GFOD1: variants seen among roughly 807,000 people sequenced by gnomAD.
GFOD1 encodes Gfo/Idh/MocA-like oxidoreductase domain containing 1.
A neutral mutation model predicts 25.4 loss-of-function variants in GFOD1; 9 were observed. The observed-to-expected ratio is 0.35, with a 90% confidence interval of 0.21 to 0.62. GFOD1 has a LOEUF of 0.62. Among genes scored for constraint, GFOD1 ranks in the 20% least tolerant of loss-of-function variants. The pLI is 0.72. For missense variants in GFOD1, 403 were observed against 556.9 expected (o/e 0.72, Z 2.78); for synonymous variants, 253 against 245.6 (o/e 1.03, Z -0.28).
intron 1 of GFOD1, among the ~76,000 whole-genome samples, chr6:13,381,970 C>G (rs1785374833): frequency 6.6e-6 from 1 of 151,294 alleles, no homozygotes; most frequent in Non-Finnish European, 1.5e-5. Context: ...CTGACTGAAG[C>G]AGTAACTACC....
At chr6:13,394,497 C>T (rs1393454425) in intron 1 of GFOD1, among the ~76,000 whole-genome samples, 1 of 37,904 alleles carries the variant, frequency 2.6e-5, no homozygotes, top group Non-Finnish European at 6.0e-5. Flanking sequence ...TTTTTTGAGA[C>T]GAGGTCTTGC....
At chr6:13,446,906 C>T (rs1562221827) in intron 1 of GFOD1, among the ~76,000 whole-genome samples, 1 of 152,228 alleles carries the variant, frequency 6.6e-6, no homozygotes, top group Non-Finnish European at 1.5e-5. Context: ...GTGTCCAAAA[C>T]AGAGATGGTT....
chr6:13,478,049 G>A (rs1758665385), intron 1 of GFOD1, among the ~76,000 whole-genome samples: 1 of 144,236 alleles, frequency 6.9e-6, no homozygotes, highest in Non-Finnish European at 1.5e-5. Context: ...GGACAACAGA[G>A]TGAGAATCTA....
intron 1 of GFOD1, among the ~76,000 whole-genome samples, chr6:13,400,546 T>A (rs1785822145): frequency 6.6e-6 from 1 of 152,256 alleles, no homozygotes; most frequent in African/African-American, 2.4e-5. Context: ...TTCGAGTTTA[T>A]CCTTTTTGAA....
rs139800085 is a variant in GFOD1, at chr6:13,454,868, A to T, written c.253+31770T>A. On this transcript the variant is annotated intron_variant, in intron 1 of 1. Transcript: ENST00000379287. ...CCCCACAAATGGACACCAGAGCAAG[A>T]GTTTCGTAGAGGGAGGGGAGGAATC... is the stretch of plus-strand genomic sequence containing the variant. Among the ~76,000 whole-genome samples the T allele has an allele frequency of 3.4e-3, 513 of 152,210 alleles. 9 individuals are homozygous for T. Among genetic ancestry groups the T allele is most frequent in the African/African-American group, 0.012 (478 of 41,508 alleles).
chr6:13,436,837 C>T (rs961352225), intron 1 of GFOD1, among the ~76,000 whole-genome samples: 1 of 152,212 alleles, frequency 6.6e-6, no homozygotes. Context: ...CTATAAAAGG[C>T]TTGGCTAGCC....
Position 13,365,432 on chromosome 6 carries a change from A to G in GFOD1, c.484T>C (p.Trp162Arg). 2 of 1,613,912 alleles carry G rather than the reference A, an allele frequency of 1.2e-6. No individual in the cohort carries two copies. The highest frequency in any genetic ancestry group is 1.7e-6 in the Non-Finnish European group (2 of 1,180,006). The change falls in exon 2 of 2, where the codon TGG becomes CGG. Residue 162 changes from tryptophan (W) to arginine (R), a missense_variant. Trp to Arg is a moderately radical substitution (Grantham distance 101). Coordinates refer to ENST00000379287, the MANE Select transcript of GFOD1 (RefSeq NM_018988.4). The surrounding 1 kb of genome is among the most constrained non-coding windows in gnomAD (Gnocchi z 9.2). ...GGSLLGKKYN[W>R]SCDDLMGGGG... ...CCGCCCATCAAGTCGTCGCAGCTCC[A>G]GTTGTACTTCTTGCCCAGCAGGCTG... is the stretch of plus-strand genomic sequence containing the variant.
chr6:13,451,290 G>A lies in GFOD1; in HGVS notation c.253+35348C>T, dbSNP rs534436700. On this transcript the variant is annotated intron_variant, in intron 1 of 1. Transcript: ENST00000379287. ...ACATGGGAAGGGCTTTGACATTGAC[G>A]AGGCCTTCATCCACGGCCCTCATCC... Among the ~76,000 whole-genome samples the A allele has an allele frequency of 3.9e-5, 6 of 152,218 alleles. No individual in the cohort carries two copies. The South Asian group carries it at 8.3e-4, about 21-fold the overall frequency.
intron 1 of GFOD1, among the ~76,000 whole-genome samples, chr6:13,412,681 C>A (rs1029153817): frequency 1.3e-5 from 2 of 152,234 alleles, no homozygotes; most frequent in Non-Finnish European, 2.9e-5. Flanking sequence ...CCAGCGTGGG[C>A]TGCAGAAATC....
At chr6:13,400,466 C>T (rs1331768035) in intron 1 of GFOD1, among the ~76,000 whole-genome samples, 2 of 152,188 alleles carry the variant, frequency 1.3e-5, no homozygotes, top group African/African-American at 2.4e-5. Context: ...TCCCATTCCT[C>T]CTGTTATGAG....
chr6:13,464,825 C>T (rs368427354), intron 1 of GFOD1, among the ~76,000 whole-genome samples: 1 of 151,920 alleles, frequency 6.6e-6, no homozygotes, highest in East Asian at 1.9e-4. Flanking sequence ...CCAGGTCTAC[C>T]CTGCAGGGCT....
At chr6:13,444,398 A>AC (rs1757968762) in intron 1 of GFOD1, among the ~76,000 whole-genome samples, 1 of 152,052 alleles carries the variant, frequency 6.6e-6, no homozygotes, top group East Asian at 1.9e-4. Context: ...CAAAAAAAAA[A>AC]AAAACTATTG....
At chr6:13,469,941 G>A (rs1323040586) in intron 1 of GFOD1, 3 of 1,305,420 alleles carry the variant, frequency 2.3e-6, no homozygotes, top group Non-Finnish European at 3.0e-6. Context: ...CTTTCCAAAA[G>A]TGATGAGTAG....
rs540539002 is a variant in GFOD1, at chr6:13,456,688, G to C, written c.253+29950C>G. The stretch of plus-strand genomic sequence containing the variant: ...GGTGATTAAACCTGAACAGATGATA[G>C]GTCCTGACATACAGCCTCCTAGGGC... On this transcript the variant is annotated intron_variant, in intron 1 of 1. Transcript: ENST00000379287. 2.6e-5 allele frequency among the ~76,000 whole-genome samples: 4 copies of C among 152,288 alleles called. No individual in the cohort carries two copies. The East Asian group carries it at 7.7e-4, about 29-fold the overall frequency.
chr6:13,375,686 T>A (rs1194959954), intron 1 of GFOD1, among the ~76,000 whole-genome samples: 1 of 152,110 alleles, frequency 6.6e-6, no homozygotes, highest in African/African-American at 2.4e-5. Context: ...AACCCGCCCA[T>A]AAGGCCAAGC....
rs369136067 is a variant in GFOD1, at chr6:13,443,881, A to C, written c.253+42757T>G. ...ACCTTCAGCAACCAGCACCCTAACC[A>C]GTCAGCAGCCATCAACATCAAGGCA... On this transcript the variant is annotated intron_variant, in intron 1 of 1. Coordinates refer to ENST00000379287, the MANE Select transcript of GFOD1 (RefSeq NM_018988.4). Among the ~76,000 whole-genome samples the C allele has an allele frequency of 4.6e-5, 7 of 151,658 alleles. No homozygotes were observed. In the South Asian group the frequency reaches 1.5e-3, roughly 32 times the overall value.
At chr6:13,395,658 A>G (rs1337356175) in intron 1 of GFOD1, among the ~76,000 whole-genome samples, 2 of 152,256 alleles carry the variant, frequency 1.3e-5, no homozygotes, top group East Asian at 3.8e-4. Context: ...TATGTAAAGC[A>G]ACTGGCTGCC....
intron 1 of GFOD1, among the ~76,000 whole-genome samples, chr6:13,402,990 T>C (rs568467581): frequency 1.3e-5 from 2 of 152,276 alleles, no homozygotes; most frequent in South Asian, 2.1e-4. Context: ...CATTTTCTCA[T>C]GGGAATATGT....
Position 13,364,667 on chromosome 6 carries a change from C to G in GFOD1, c.*76G>C. The G allele has an allele frequency of 2.4e-6, 3 of 1,239,316 alleles. No homozygotes were observed. The highest frequency in any genetic ancestry group is 2.3e-6 in the Non-Finnish European group (2 of 879,164). 76.8% of individuals were successfully genotyped at this position (1,239,316 alleles called of 1,614,324 possible). A position where few individuals can be genotyped will look rare whatever the true frequency, so the allele number is the denominator to read the frequency against. ...CTGATCCCCACATTCCCCATGGTCA[C>G]CCTCTCCCCTCGGCCCTTCCCTCTC... is the stretch of plus-strand genomic sequence containing the variant. On this transcript the variant is annotated 3_prime_UTR_variant, in exon 2 of 2. Coordinates refer to ENST00000379287, the MANE Select transcript of GFOD1 (RefSeq NM_018988.4). The surrounding 1 kb of genome is among the most constrained non-coding windows in gnomAD (Gnocchi z 4.1).
Sources: gnomAD v4.1 joint callset for allele counts (sites outside exome capture counted in the v4.1 genomes callset) on GRCh38, gnomAD v4.1.1 for gene constraint, Gnocchi (gnomAD v3.1) non-coding constraint, MANE v1.5 for transcripts, NCBI Gene and HGNC (gene_info 2026-07-23, HGNC 2026-07-21) for gene names.